The following UBE3D variants were observed in gnomAD, a reference collection of about 807,000 sequenced individuals.
UBE3D encodes E3 ubiquitin-protein ligase E3D.
UBE3D carries 48 observed loss-of-function variants against 49.6 expected under a neutral mutation model. That is an observed-to-expected ratio of 0.97 (90% CI 0.77 to 1.23). UBE3D has a LOEUF of 1.23. UBE3D is among the 50% of genes most tolerant of loss of function. The pLI is 0.00. For missense variants in UBE3D, 452 were observed against 468.4 expected, an observed-to-expected ratio of 0.96 and a Z score of 0.32; for synonymous variants, 189 against 174.2, an observed-to-expected ratio of 1.08 and a Z score of -0.67.
intron 9 of UBE3D, among the ~76,000 whole-genome samples, chr6:82,929,064 C>T (rs1773952125): frequency 6.6e-6 from 1 of 152,108 alleles, no homozygotes. Context: ...ATTGTATGAT[C>T]TAAATCCAAG....
At chr6:82,979,446 T>C (rs1199405474) in intron 8 of UBE3D, among the ~76,000 whole-genome samples, 2 of 152,110 alleles carry the variant, frequency 1.3e-5, no homozygotes, top group South Asian at 2.1e-4. Context: ...AAAACTCCAA[T>C]AACAGGGAAA....
intron 3 of UBE3D, chr6:83,049,645 C>T: frequency 3.0e-6 from 1 of 329,158 alleles, no homozygotes; most frequent in South Asian, 2.4e-5. Context: ...TCCCATCTTG[C>T]TGGTTTCCCT....
At chr6:83,063,129 G>A (rs1784273593) in intron 1 of UBE3D, 2 of 250,670 alleles carry the variant, frequency 8.0e-6, no homozygotes, top group Admixed American at 1.1e-4. Context: ...TCAAAAAAAC[G>A]AGGCAGGGCA....
intron 9 of UBE3D, among the ~76,000 whole-genome samples, chr6:82,954,927 G>T (rs1776053696): frequency 6.6e-6 from 1 of 152,186 alleles, no homozygotes; most frequent in African/African-American, 2.4e-5. Flanking sequence ...CAGTTCATAA[G>T]ATTCTGTCAA....
chr6:82,969,463 C>T (rs577035462), intron 8 of UBE3D, among the ~76,000 whole-genome samples: 2 of 152,008 alleles, frequency 1.3e-5, no homozygotes, highest in African/African-American at 4.8e-5. Flanking sequence ...AAAAAAGTAG[C>T]CTGGCATGGT....
At chr6:83,035,632 T>C (rs1423241060) in intron 5 of UBE3D, among the ~76,000 whole-genome samples, 2 of 151,580 alleles carry the variant, frequency 1.3e-5, no homozygotes, top group Non-Finnish European at 2.9e-5. Flanking sequence ...TCTGCAAACT[T>C]CATCCTTGGT....
intron 1 of UBE3D, among the ~76,000 whole-genome samples, chr6:83,063,523 A>T (rs532050813): frequency 1.3e-5 from 2 of 152,196 alleles, no homozygotes; most frequent in East Asian, 3.9e-4. Context: ...GTTTTGAGAC[A>T]GTATAAAGAA....
chr6:82,896,396 C>T (rs565792665), intron 9 of UBE3D, among the ~76,000 whole-genome samples: 10 of 147,698 alleles, frequency 6.8e-5, no homozygotes, highest in South Asian at 2.1e-4. Context: ...ATAGTTACAA[C>T]GTATAAATAA....
At chr6:82,970,528 A>G (rs752450838) in intron 8 of UBE3D, among the ~76,000 whole-genome samples, 68 of 152,198 alleles carry the variant, frequency 4.5e-4, no homozygotes, top group Non-Finnish European at 7.3e-4. Context: ...ATAGGCCTCA[A>G]TGACAATATA....
At chr6:83,025,487 C>A (rs1781389782) in intron 5 of UBE3D, among the ~76,000 whole-genome samples, 1 of 151,668 alleles carries the variant, frequency 6.6e-6, no homozygotes, top group African/African-American at 2.4e-5. Context: ...AGGTGTACTG[C>A]TGGATACGCT....
intron 3 of UBE3D, among the ~76,000 whole-genome samples, chr6:83,045,646 T>A (rs180780576): frequency 6.6e-6 from 1 of 152,296 alleles, no homozygotes; most frequent in African/African-American, 2.4e-5. Flanking sequence ...TATATTTTAG[T>A]AAACTTTTCA....
intron 8 of UBE3D, among the ~76,000 whole-genome samples, chr6:82,993,821 T>C (rs1262701223): frequency 1.1e-4 from 16 of 152,230 alleles, no homozygotes; most frequent in Non-Finnish European, 2.2e-4. Context: ...GATATTCTTG[T>C]AGAATTTATC....
chr6:82,989,615 T>G (rs1357960313), intron 8 of UBE3D, among the ~76,000 whole-genome samples: 1 of 152,142 alleles, frequency 6.6e-6, no homozygotes, highest in Admixed American at 6.5e-5. Flanking sequence ...ATGGCTGTAT[T>G]TCATTAAAAT....
At chr6:83,005,913 T>C (rs1001963743) in intron 8 of UBE3D, among the ~76,000 whole-genome samples, 3 of 152,020 alleles carry the variant, frequency 2.0e-5, no homozygotes, top group Non-Finnish European at 4.4e-5. Flanking sequence ...TGATTCTACT[T>C]ACACAAGATA....
chr6:83,004,919 A>G (rs1779868972), intron 8 of UBE3D, among the ~76,000 whole-genome samples: 1 of 152,214 alleles, frequency 6.6e-6, no homozygotes, highest in Admixed American at 6.5e-5. Flanking sequence ...AGAATTAAGC[A>G]GAGTTTGGCA....
intron 1 of UBE3D, among the ~76,000 whole-genome samples, chr6:83,059,404 G>A (rs1784022767): frequency 6.6e-6 from 1 of 152,056 alleles, no homozygotes; most frequent in Non-Finnish European, 1.5e-5. Flanking sequence ...AGATACAGAA[G>A]AAAAATCCAA....
chr6:83,018,507 T>C (rs1259696701), intron 8 of UBE3D: 2 of 158,542 alleles, frequency 1.3e-5, no homozygotes, highest in African/African-American at 4.8e-5. Context: ...CACAGGTTGT[T>C]GTTAGGCTTA....
chr6:82,997,537 G>A (rs1216375388), intron 8 of UBE3D, among the ~76,000 whole-genome samples: 2 of 152,130 alleles, frequency 1.3e-5, no homozygotes, highest in East Asian at 3.9e-4. Context: ...GGCTAACATG[G>A]TGAAACCCCG....
chr6:83,044,972 A>G (rs539831507), intron 3 of UBE3D, among the ~76,000 whole-genome samples: 213 of 152,340 alleles, frequency 1.4e-3, no homozygotes, highest in African/African-American at 4.7e-3. Context: ...GTGAATAAAC[A>G]TACTATATCT....
Sources: gnomAD v4.1 joint callset for allele counts (sites outside exome capture counted in the v4.1 genomes callset) on GRCh38, gnomAD v4.1.1 for gene constraint, MANE v1.5 for transcripts, NCBI Gene and HGNC (gene_info 2026-07-23, HGNC 2026-07-21) for gene names.